The following MCUB variants were observed in gnomAD, a reference collection of about 807,000 sequenced individuals.
MCUB encodes the protein calcium uniporter regulatory subunit MCUb, mitochondrial.
MCUB carries 46 observed loss-of-function variants against 41.4 expected under a neutral mutation model. The observed-to-expected ratio is 1.11, with a 90% CI of 0.88 to 1.42. MCUB has a LOEUF of 1.42. Ranked by LOEUF, MCUB falls within the 40% of genes most tolerant of loss-of-function variation. The pLI, the probability that MCUB is intolerant of heterozygous loss-of-function variation, is 0.00. For missense variants in MCUB, 403 were observed against 404.9 expected, an observed-to-expected ratio of 1.00 and a Z score of 0.04; for synonymous variants, 148 against 148.2, an observed-to-expected ratio of 1.00 and a Z score of 0.01.
chr4:109,607,428 G>T (rs1727904250), intron 1 of MCUB, among the ~76,000 whole-genome samples: 2 of 152,134 alleles, frequency 1.3e-5, no homozygotes, highest in African/African-American at 4.8e-5. Flanking sequence ...AAGTTGGCCA[G>T]GCTGTTCTCA....
chr4:109,645,182 A>G (rs909650169), intron 1 of MCUB, among the ~76,000 whole-genome samples: 8 of 152,088 alleles, frequency 5.3e-5, no homozygotes, highest in Admixed American at 1.3e-4. Context: ...TCCACTACCA[A>G]TCATTAGAAC....
At chr4:109,677,611 A>T (rs992253299) in intron 4 of MCUB, among the ~76,000 whole-genome samples, 2 of 152,106 alleles carry the variant, frequency 1.3e-5, no homozygotes, top group South Asian at 4.1e-4. Context: ...TGTCGTTATC[A>T]TGGGAGTGTG....
intron 1 of MCUB, among the ~76,000 whole-genome samples, chr4:109,582,722 A>C (rs184444532): frequency 6.6e-6 from 1 of 152,258 alleles, no homozygotes; most frequent in Admixed American, 6.5e-5. Flanking sequence ...TAAGTCTTTA[A>C]TCCATCTCGA....
At chr4:109,612,838 G>A (rs1322647762) in intron 1 of MCUB, among the ~76,000 whole-genome samples, 2 of 152,180 alleles carry the variant, frequency 1.3e-5, no homozygotes, top group African/African-American at 4.8e-5. Flanking sequence ...CGGGTGCGGT[G>A]TCTCACGCCT....
At chr4:109,587,619 A>G (rs566079932) in intron 1 of MCUB, among the ~76,000 whole-genome samples, 5 of 152,378 alleles carry the variant, frequency 3.3e-5, no homozygotes, top group Non-Finnish European at 7.3e-5. Flanking sequence ...CTTTTTTTAA[A>G]AAATTACTTT....
chr4:109,616,680 T>A (rs1728134627), intron 1 of MCUB, among the ~76,000 whole-genome samples: 1 of 152,154 alleles, frequency 6.6e-6, no homozygotes, highest in African/African-American at 2.4e-5. Flanking sequence ...CTCTGATAAT[T>A]CCAGCATTCA....
At chr4:109,592,070 T>G (rs1727449163) in intron 1 of MCUB, among the ~76,000 whole-genome samples, 1 of 152,170 alleles carries the variant, frequency 6.6e-6, no homozygotes, top group African/African-American at 2.4e-5. Flanking sequence ...TTTTAATTCT[T>G]TAATTTCCAA....
At chr4:109,620,121 A>G (rs1258739585) in intron 1 of MCUB, among the ~76,000 whole-genome samples, 1 of 152,188 alleles carries the variant, frequency 6.6e-6, no homozygotes, top group African/African-American at 2.4e-5. Flanking sequence ...GAGTGGATTC[A>G]TGGTCAACTA....
chr4:109,640,465 T>A (rs1458331184), intron 1 of MCUB, among the ~76,000 whole-genome samples: 1 of 152,248 alleles, frequency 6.6e-6, no homozygotes, highest in African/African-American at 2.4e-5. Context: ...ATCTGTTGTT[T>A]AGTGTAGCCA....
At chr4:109,565,685 G>A (rs979376527) in intron 1 of MCUB, among the ~76,000 whole-genome samples, 10 of 152,156 alleles carry the variant, frequency 6.6e-5, no homozygotes, top group Admixed American at 5.2e-4. Context: ...GATAACCTAA[G>A]ATGTCTGTTA....
chr4:109,627,732 G>T (rs1728390848), intron 1 of MCUB, among the ~76,000 whole-genome samples: 1 of 152,130 alleles, frequency 6.6e-6, no homozygotes, highest in African/African-American at 2.4e-5. Flanking sequence ...GGCCAACATG[G>T]TGAAACCCTG....
chr4:109,614,367 A>T (rs571302766), intron 1 of MCUB, among the ~76,000 whole-genome samples: 2 of 152,026 alleles, frequency 1.3e-5, no homozygotes, highest in Non-Finnish European at 2.9e-5. Context: ...GCTTTTGGAG[A>T]TGGGATCCTT....
At chr4:109,627,930 A>C (rs1027802091) in intron 1 of MCUB, among the ~76,000 whole-genome samples, 1 of 152,150 alleles carries the variant, frequency 6.6e-6, no homozygotes, top group African/African-American at 2.4e-5. Flanking sequence ...AAAAAAAAAA[A>C]AGAGGATCCT....
chr4:109,637,154 A>T (rs907688277), intron 1 of MCUB, among the ~76,000 whole-genome samples: 2 of 152,198 alleles, frequency 1.3e-5, no homozygotes, highest in Non-Finnish European at 2.9e-5. Flanking sequence ...CTGATGAGGA[A>T]GATGCAGTTG....
At chr4:109,642,043 AG>A (rs1202965607) in intron 1 of MCUB, among the ~76,000 whole-genome samples, 4 of 152,250 alleles carry the variant, frequency 2.6e-5, no homozygotes, top group Non-Finnish European at 5.9e-5. Context: ...TCTTTGGCTC[AG>A]GAAAATAGAT....
chr4:109,624,088 A>T (rs1227402027), intron 1 of MCUB, among the ~76,000 whole-genome samples: 16 of 152,102 alleles, frequency 1.1e-4, no homozygotes, highest in Admixed American at 1.0e-3. Context: ...CCTGGACTGA[A>T]GCAGTCCTCC....
chr4:109,560,361 G>A lies in MCUB; in HGVS notation c.24G>A (p.Pro8=). The part of the protein sequence containing the change: MLQRGLW[P]WRTRLLPTPG... ...GGATGCTCCAGAGGGGCCTCTGGCC[G>A]TGGCGCACGCGGCTGCTGCCGACCC... Residue 8 remains proline (P), a synonymous_variant, in exon 1 of 8, where the codon CCG becomes CCA. Transcript: ENST00000394650. 5.3e-6 allele frequency: 7 copies of A among 1,320,208 alleles called. No individual in the cohort carries two copies. The highest frequency in any genetic ancestry group is 2.1e-5 in the South Asian group (1 of 47,320). 81.8% of individuals were successfully genotyped at this position (1,320,208 alleles called of 1,614,324 possible).
rs777658522 is a variant in MCUB, at chr4:109,684,540, G to A, written c.710G>A (p.Trp237Ter). The A allele has an allele frequency of 1.2e-6, 2 of 1,612,866 alleles. No homozygotes were observed. The highest frequency in any genetic ancestry group is 1.1e-5 in the South Asian group (1 of 91,064). The change falls in exon 6 of 8, where the codon TGG (tryptophan) becomes TAG (stop). Residue 237 changes from tryptophan (W) to a stop codon, truncating the protein, a stop_gained. Coordinates refer to ENST00000394650, the MANE Select transcript of MCUB (RefSeq NM_017918.5). LOFTEE classifies it high-confidence loss of function. The stretch of plus-strand genomic sequence containing the variant: ...TCCATTCAGGGTGGGGCACTGGCCT[G>A]GCTCACGTGGTGGGTGTACTCCTGG... ...LLSIQGGALA[W>*]LTWWVYSWDI... is the part of the protein sequence containing the mutation.
chr4:109,560,427 T>C lies in MCUB; in HGVS notation c.90T>C (p.Pro30=). ...CAGCGCGCCCGTGGCCGCTGCCGCC[T>C]CCGCCCCAGGTAAGAGCGGGTGCCG... ...WRPARPWPLP[P]PPQVLRVKLC... is the part of the protein sequence containing the mutation. Residue 30 remains proline (P), a synonymous_variant, in exon 1 of 8, where the codon CCT becomes CCC. Transcript: ENST00000394650. 1 of 1,291,346 alleles carries C rather than the reference T, an allele frequency of 7.7e-7. No homozygotes were observed. The highest frequency in any genetic ancestry group is 2.5e-5 in the South Asian group (1 of 40,658). 80.0% of individuals were successfully genotyped at this position (1,291,346 alleles called of 1,614,324 possible).
Sources: allele counts gnomAD v4.1 joint callset (sites outside exome capture counted in the v4.1 genomes callset), GRCh38; gene constraint gnomAD v4.1.1; transcripts MANE v1.5; gene names NCBI Gene and HGNC (gene_info 2026-07-23, HGNC 2026-07-21).